The following AJAP1 variants were observed in gnomAD, a reference collection of about 807,000 sequenced individuals.
AJAP1 encodes adherens junction-associated protein 1.
A neutral mutation model predicts 35.0 loss-of-function variants in AJAP1; 5 were observed. The observed-to-expected ratio is 0.14, with a 90% CI of 0.07 to 0.30. The LOEUF (loss-of-function observed/expected upper bound fraction) is 0.30. Among genes scored for constraint, AJAP1 ranks in the 10% least tolerant of loss-of-function variants. The pLI, the probability that AJAP1 is intolerant of heterozygous loss-of-function variation, is 1.00. For synonymous variants in AJAP1, 284 were observed against 249.3 expected, an observed-to-expected ratio of 1.14 and a Z score of -1.31; for missense variants, 586 against 571.0, an observed-to-expected ratio of 1.03 and a Z score of -0.27.
chr1:4,755,344 C>T (rs905735313), intron 2 of AJAP1, among the ~76,000 whole-genome samples: 1 of 152,182 alleles, frequency 6.6e-6, no homozygotes, highest in African/African-American at 2.4e-5. Flanking sequence ...ACACCACCCC[C>T]ACACTTAAGA....
chr1:4,707,141 T>C (rs1054900277), intron 1 of AJAP1, among the ~76,000 whole-genome samples: 1 of 152,166 alleles, frequency 6.6e-6, no homozygotes, highest in Non-Finnish European at 1.5e-5. Context: ...CTCCTGCCCA[T>C]GTGCCTGCAG....
rs768251282 is a variant in AJAP1 at position 4,711,754 on chromosome 1, G to A, written c.30-146G>A. On this transcript the variant is annotated intron_variant, in intron 1 of 5. Transcript: ENST00000378191. ...TTGAAGGAAAGGAAGGAAGGGTTTCGGATTCCCTTTTGAAGTTAGGAGGAG... is the reference window on the plus strand; with the variant it reads ...TTGAAGGAAAGGAAGGAAGGGTTTCAGATTCCCTTTTGAAGTTAGGAGGAG... The A allele has an allele frequency of 6.6e-6, 4 of 608,150 alleles. No homozygotes were observed. The East Asian group carries it at 9.3e-5, about 14-fold the overall frequency. 37.7% of individuals were successfully genotyped at this position (608,150 alleles called of 1,614,324 possible).
chr1:4,741,774 T>A (rs1641073825), intron 2 of AJAP1, among the ~76,000 whole-genome samples: 2 of 152,198 alleles, frequency 1.3e-5, no homozygotes, highest in Non-Finnish European at 2.9e-5. Context: ...GGTAAATGGC[T>A]GATTCCAGGA....
Position 4,734,255 on chromosome 1 carries a change from T to G in AJAP1, c.829+21556T>G, listed in dbSNP as rs1373416815. 6.6e-6 allele frequency among the ~76,000 whole-genome samples: 1 copy of G among 152,188 alleles called. No homozygotes were observed. Among genetic ancestry groups the G allele is most frequent in the East Asian group, 1.9e-4 (1 of 5,180 alleles). ...GCTGAGCCCCGGAATAGGAAGGGCC[T>G]GCCCTACTGAGCCTCCTGCCTCACT... is the stretch of plus-strand genomic sequence containing the variant. On this transcript the variant is annotated intron_variant, in intron 2 of 5. Transcript: ENST00000378191. The surrounding 1 kb of genome is among the most constrained non-coding windows in gnomAD (Gnocchi z 4.3).
chr1:4,667,270 C>T (rs1024747302), intron 1 of AJAP1, among the ~76,000 whole-genome samples: 2 of 152,122 alleles, frequency 1.3e-5, no homozygotes, highest in East Asian at 1.9e-4. Flanking sequence ...GCCTAGACCA[C>T]GTGGGCACAA....
Position 4,692,763 on chromosome 1 carries a change from T to G in AJAP1, c.30-19137T>G, listed in dbSNP as rs906622797. ...CACTCTGCTGTCCTCCCTCCAGGTC[T>G]TGTCAGCTGAAATGCCTGTTCCCTC... is the stretch of plus-strand genomic sequence containing the variant. On this transcript the variant is annotated intron_variant, in intron 1 of 5. Transcript: ENST00000378191. This position sits in a 1 kb window ranked among gnomAD's most constrained non-coding sequence, Gnocchi z 4.4. Among the ~76,000 whole-genome samples the G allele has an allele frequency of 6.6e-6, 1 of 152,200 alleles. No homozygotes were observed. Among genetic ancestry groups the G allele is most frequent in the Non-Finnish European group, 1.5e-5 (1 of 68,028 alleles).
chr1:4,710,458 C>T (rs1253722535), intron 1 of AJAP1, among the ~76,000 whole-genome samples: 1 of 125,574 alleles, frequency 8.0e-6, no homozygotes, highest in African/African-American at 3.3e-5. Flanking sequence ...CAGTCACACA[C>T]GTACACACTC....
At position 4,711,921 on chromosome 1, in the gene AJAP1, G is replaced by A. The variant is rs566618227; in HGVS notation, c.51G>A (p.Pro17=). The A allele has an allele frequency of 2.6e-6, 4 of 1,513,530 alleles. No homozygotes were observed. The highest frequency in any genetic ancestry group is 2.6e-6 in the Non-Finnish European group (3 of 1,135,696). 93.8% of individuals were successfully genotyped at this position (1,513,530 alleles called of 1,614,324 possible). A position where few individuals can be genotyped will look rare whatever the true frequency, so the allele number is the denominator to read the frequency against. The change falls in exon 2 of 6, where the codon CCG becomes CCA. Residue 17 remains proline, a synonymous_variant. Coordinates refer to ENST00000378191, the MANE Select transcript of AJAP1 (RefSeq NM_018836.4). ...LGLSSMSIRW[P]GRPLGSHAWI... The stretch of plus-strand genomic sequence containing the variant: ...ACAGCTCCATGTCCATCCGCTGGCC[G>A]GGCCGCCCCCTCGGAAGCCATGCCT...
chr1:4,779,369 T>C (rs1642017219), intron 5 of AJAP1, among the ~76,000 whole-genome samples: 1 of 151,238 alleles, frequency 6.6e-6, no homozygotes, highest in Non-Finnish European at 1.5e-5. Context: ...AGAGTCTCGC[T>C]CTGTCGCCCA....
At chr1:4,658,126 A>C (rs1469425015) in intron 1 of AJAP1, among the ~76,000 whole-genome samples, 1 of 152,188 alleles carries the variant, frequency 6.6e-6, no homozygotes, top group African/African-American at 2.4e-5. Context: ...TGCAGACCTC[A>C]GATGCTGTGG....
chr1:4,739,054 G>A (rs994836781), intron 2 of AJAP1, among the ~76,000 whole-genome samples: 3 of 152,156 alleles, frequency 2.0e-5, no homozygotes, highest in Non-Finnish European at 4.4e-5. Flanking sequence ...TCTCCCGGGA[G>A]ATTGCATTTT....
intron 2 of AJAP1, among the ~76,000 whole-genome samples, chr1:4,731,301 G>A (rs1277945259): frequency 5.3e-5 from 8 of 152,106 alleles, no homozygotes; most frequent in African/African-American, 7.2e-5. Context: ...GGCTGGTCTC[G>A]AACTCTTGAA....
intron 1 of AJAP1, among the ~76,000 whole-genome samples, chr1:4,704,669 C>T (rs1272948296): frequency 2.0e-5 from 3 of 152,130 alleles, no homozygotes; most frequent in South Asian, 4.1e-4. Context: ...TGGGTATATA[C>T]CCAGTCATGG....
At position 4,655,553 on chromosome 1, in the gene AJAP1, T is replaced by A; in HGVS notation, c.29+99T>A. 2 of 1,430,714 alleles carry A rather than the reference T, an allele frequency of 1.4e-6. No individual in the cohort carries two copies. The highest frequency in any genetic ancestry group is 1.9e-6 in the Non-Finnish European group (2 of 1,058,848). The allele number at this position is 1,430,714 out of a possible 1,614,324, so 88.6% of individuals were successfully genotyped here. A position where few individuals can be genotyped will look rare whatever the true frequency, so the allele number is the denominator to read the frequency against. Reference sequence around the variant, plus strand: ...TATGTTGCAAATCAAGGGACCCCTCTTCGCTTCCCGCAAGCGGGCAACGGG... The same window carrying A: ...TATGTTGCAAATCAAGGGACCCCTCATCGCTTCCCGCAAGCGGGCAACGGG... On this transcript the variant is annotated intron_variant, in intron 1 of 5. Coordinates refer to ENST00000378191, the MANE Select transcript of AJAP1 (RefSeq NM_018836.4). This position sits in a 1 kb window ranked among gnomAD's most constrained non-coding sequence, Gnocchi z 6.9.
In AJAP1 at chr1:4,655,231, G is replaced by C. The variant is rs1308646311; in HGVS notation, c.-195G>C. The C allele has an allele frequency of 4.1e-5, 7 of 172,442 alleles. No individual in the cohort carries two copies. Among genetic ancestry groups the C allele is most frequent in the Non-Finnish European group, 7.9e-5 (7 of 89,080 alleles). 10.7% of individuals were successfully genotyped at this position (172,442 alleles called of 1,614,324 possible). A position where few individuals can be genotyped will look rare whatever the true frequency, so the allele number is the denominator to read the frequency against. ...AGCCTGAGCCATGCGCCCCAACGGC[G>C]GCGGCGCGCCGGCCGGCATGGAGCC... is the stretch of plus-strand genomic sequence containing the variant. On this transcript the variant is annotated 5_prime_UTR_variant, in exon 1 of 6. Transcript: ENST00000378191. The surrounding 1 kb of genome is among the most constrained non-coding windows in gnomAD (Gnocchi z 6.9).
intron 1 of AJAP1, among the ~76,000 whole-genome samples, chr1:4,675,096 G>A (rs573857740): frequency 5.1e-4 from 77 of 152,154 alleles, no homozygotes; most frequent in Non-Finnish European, 8.2e-4. Context: ...AGCAAAACCC[G>A]TGCCCTCCTC....
chr1:4,669,098 G>T (rs1253872794), intron 1 of AJAP1, among the ~76,000 whole-genome samples: 1 of 152,182 alleles, frequency 6.6e-6, no homozygotes, highest in Non-Finnish European at 1.5e-5. Flanking sequence ...CTATTTTAAA[G>T]TGTAAACTTC....
Position 4,772,506 on chromosome 1 carries a change from T to C in AJAP1, c.1144T>C (p.Ser382Pro), listed in dbSNP as rs768049689. The C allele has an allele frequency of 3.1e-6, 5 of 1,613,946 alleles. No individual in the cohort carries two copies. Among genetic ancestry groups the C allele is most frequent in the East Asian group, 4.5e-5 (2 of 44,890 alleles). The change falls in exon 4 of 6, where the codon TCC becomes CCC. Residue 382 changes from serine to proline, a missense_variant. Ser to Pro is a moderately conservative substitution (Grantham distance 74, BLOSUM62 -1). Coordinates refer to ENST00000378191, the MANE Select transcript of AJAP1 (RefSeq NM_018836.4). ...GCACTCGACGACGGGGGAGTACAAA[T>C]CCACATTTAATGGAAACCGGTAAGC... ...TLHSTTGEYK[S>P]TFNGNRPSSS... is the part of the protein sequence containing the mutation.
At chr1:4,730,790 A>G (rs984134438) in intron 2 of AJAP1, among the ~76,000 whole-genome samples, 3 of 152,130 alleles carry the variant, frequency 2.0e-5, no homozygotes, top group Non-Finnish European at 4.4e-5. Context: ...GGATACCCAG[A>G]GGGACTCAGA....
Sources: gnomAD v4.1 joint callset for allele counts (sites outside exome capture counted in the v4.1 genomes callset) on GRCh38, gnomAD v4.1.1 for gene constraint, Gnocchi (gnomAD v3.1) non-coding constraint, MANE v1.5 for transcripts, NCBI Gene and HGNC (gene_info 2026-07-23, HGNC 2026-07-21) for gene names.